MACROH2A2: variants seen among roughly 807,000 people sequenced by gnomAD.
MACROH2A2 encodes macroH2A.2 histone.
MACROH2A2 carries 6 observed loss-of-function variants against 37.6 expected under a neutral mutation model. The ratio of observed to expected loss-of-function variants is 0.16; its 90% CI spans 0.09 to 0.32. The LOEUF (loss-of-function observed/expected upper bound fraction) is 0.32. Ranked by LOEUF, MACROH2A2 falls within the 10% of genes least tolerant of loss-of-function variation. The probability of loss-of-function intolerance (pLI) is 1.00; values close to 1 mark genes in which losing one functional copy is unlikely to be tolerated. For missense variants in MACROH2A2, 290 were observed against 485.9 expected (o/e 0.60, Z 3.79); for synonymous variants, 192 against 202.7 (o/e 0.95, Z 0.45).
chr10:70,055,164 C>G (rs2072007134), intron 1 of MACROH2A2, among the ~76,000 whole-genome samples: 1 of 152,216 alleles, frequency 6.6e-6, no homozygotes, highest in African/African-American at 2.4e-5. Context: ...TGCCTCCTGC[C>G]AGCAGAACAG....
intron 1 of MACROH2A2, among the ~76,000 whole-genome samples, chr10:70,063,332 C>T (rs2072060260): frequency 6.6e-6 from 1 of 152,176 alleles, no homozygotes; most frequent in South Asian, 2.1e-4. Flanking sequence ...CCTTTCTTTC[C>T]TCTCCTCCCA....
intron 2 of MACROH2A2, among the ~76,000 whole-genome samples, chr10:70,088,116 ACGCACACATATGCCCGCC>A (rs2072221890): frequency 2.0e-5 from 3 of 152,104 alleles, no homozygotes; most frequent in African/African-American, 7.3e-5. Flanking sequence ...CCACATGCAC[ACGCACACATATGCCCGCC>A]TGCACACTCA....
chr10:70,103,920 C>T (rs756232196), intron 7 of MACROH2A2, among the ~76,000 whole-genome samples: 2 of 152,100 alleles, frequency 1.3e-5, no homozygotes, highest in Admixed American at 6.5e-5. Context: ...CAATTTCAGA[C>T]GTGCAGAAGT....
intron 7 of MACROH2A2, among the ~76,000 whole-genome samples, chr10:70,104,360 A>G (rs943151273): frequency 4.6e-5 from 7 of 150,778 alleles, no homozygotes; most frequent in East Asian, 1.9e-4. Context: ...GTGGACAGAG[A>G]GGAAAAAAAA....
intron 2 of MACROH2A2, among the ~76,000 whole-genome samples, chr10:70,085,065 C>T (rs1444258582): frequency 6.6e-6 from 1 of 151,950 alleles, no homozygotes; most frequent in East Asian, 1.9e-4. Context: ...AACAAGAAGG[C>T]CAAAAGTATG....
intron 2 of MACROH2A2, among the ~76,000 whole-genome samples, chr10:70,083,596 A>C (rs184221300): frequency 2.6e-3 from 391 of 152,152 alleles, no homozygotes; most frequent in African/African-American, 8.9e-3. Flanking sequence ...CAGTCAAAAA[A>C]GGAGGGCACA....
chr10:70,104,538 G>A (rs1286629172), intron 7 of MACROH2A2, among the ~76,000 whole-genome samples: 1 of 152,166 alleles, frequency 6.6e-6, no homozygotes, highest in Non-Finnish European at 1.5e-5. Context: ...AGCTGGGCGT[G>A]GTGGTGGGTG....
rs566633459 is a variant in MACROH2A2, at chr10:70,065,389, C to G, written c.-59-10211C>G. 1.3e-4 allele frequency among the ~76,000 whole-genome samples: 20 copies of G among 152,100 alleles called. No individual in the cohort carries two copies. In the South Asian group the frequency reaches 4.2e-3, roughly 32 times the overall value. ...ACCGCGCCCGGCCTTGTCCTTCATT[C>G]TTAAATACAAACGCATAACCAAAGA... is the stretch of plus-strand genomic sequence containing the variant. On this transcript the variant is annotated intron_variant, in intron 1 of 8. Coordinates refer to ENST00000373255, the MANE Select transcript of MACROH2A2 (RefSeq NM_018649.3).
chr10:70,100,980 A>G (rs1386575324), intron 7 of MACROH2A2, among the ~76,000 whole-genome samples: 1 of 152,208 alleles, frequency 6.6e-6, no homozygotes, highest in Non-Finnish European at 1.5e-5. Flanking sequence ...TCGTGCAGCC[A>G]TCACCACCAC....
rs2072337381 is a variant in MACROH2A2 at position 70,106,336 on chromosome 10, C to G, written c.779-2697C>G. On this transcript the variant is annotated intron_variant, in intron 7 of 8. Transcript: ENST00000373255. ...GCCCTTGCAATAACTTGACCCTCAT[C>G]CTTGACAACTCTGGAGAACATTACA... Among the ~76,000 whole-genome samples, 3 of 152,174 alleles carry G rather than the reference C, an allele frequency of 2.0e-5. No individual in the cohort carries two copies. The South Asian group carries it at 6.2e-4, about 32-fold the overall frequency.
intron 1 of MACROH2A2, among the ~76,000 whole-genome samples, chr10:70,059,489 A>G (rs186016089): frequency 2.0e-4 from 30 of 151,462 alleles, no homozygotes; most frequent in Non-Finnish European, 4.1e-4. Context: ...TCCTGCCTCA[A>G]CCTCCTAAGT....
intron 1 of MACROH2A2, among the ~76,000 whole-genome samples, chr10:70,059,709 G>A (rs2011654): frequency 0.096 from 14,542 of 152,204 alleles, 869 homozygotes; most frequent in East Asian, 0.24. Flanking sequence ...GGAACCCTAC[G>A]AGGTCTACTG....
intron 7 of MACROH2A2, among the ~76,000 whole-genome samples, chr10:70,106,757 C>T (rs1266373630): frequency 1.4e-5 from 2 of 141,896 alleles, no homozygotes; most frequent in Non-Finnish European, 3.0e-5. Flanking sequence ...GAGCTGTGAT[C>T]GAGCCACTGC....
intron 1 of MACROH2A2, among the ~76,000 whole-genome samples, chr10:70,066,052 T>C (rs1041977078): frequency 6.6e-5 from 10 of 152,226 alleles, no homozygotes; most frequent in Admixed American, 2.0e-4. Context: ...ATGCCTTTAA[T>C]GCCAGCACTT....
chr10:70,056,079 C>T (rs947355075), intron 1 of MACROH2A2, among the ~76,000 whole-genome samples: 6 of 152,142 alleles, frequency 3.9e-5, no homozygotes, highest in African/African-American at 1.4e-4. Context: ...TAAAATTATA[C>T]ATCTCTATAA....
intron 5 of MACROH2A2, among the ~76,000 whole-genome samples, chr10:70,094,209 A>G (rs542147846): frequency 6.6e-6 from 1 of 152,372 alleles, no homozygotes; most frequent in African/African-American, 2.4e-5. Flanking sequence ...TGAGAGGCCC[A>G]TCTTACATGG....
intron 2 of MACROH2A2, among the ~76,000 whole-genome samples, chr10:70,082,123 T>C (rs996091698): frequency 6.6e-6 from 1 of 152,128 alleles, no homozygotes; most frequent in Non-Finnish European, 1.5e-5. Context: ...CTAAGAGAAC[T>C]GAAAGCAGGG....
intron 2 of MACROH2A2, among the ~76,000 whole-genome samples, chr10:70,083,461 G>A (rs1020222040): frequency 2.0e-5 from 3 of 152,088 alleles, no homozygotes; most frequent in Non-Finnish European, 2.9e-5. Context: ...GGCTTCCCCT[G>A]GCCAGTCTAC....
At chr10:70,061,785 A>G (rs1015651419) in intron 1 of MACROH2A2, among the ~76,000 whole-genome samples, 4 of 152,202 alleles carry the variant, frequency 2.6e-5, no homozygotes, top group Admixed American at 2.0e-4. Context: ...TCTAACATTC[A>G]TGGTTGGTTA....
Sources: allele counts gnomAD v4.1 joint callset (sites outside exome capture counted in the v4.1 genomes callset), GRCh38; gene constraint gnomAD v4.1.1; transcripts MANE v1.5; gene names NCBI Gene and HGNC (gene_info 2026-07-23, HGNC 2026-07-21).